The following CELF4 variants were observed in gnomAD, a reference collection of about 807,000 sequenced individuals.
CELF4 encodes the protein CUG-BP- and ETR-3-like factor 4.
In CELF4, 18 loss-of-function variants were observed where a neutral mutation model predicts 59.9. The ratio of observed to expected loss-of-function variants is 0.30; its 90% CI spans 0.21 to 0.45. The LOEUF is 0.45. CELF4 is among the 20% of genes least tolerant of loss of function. The pLI is 1.00. For synonymous variants in CELF4, 261 were observed against 267.1 expected, an observed-to-expected ratio of 0.98 and a Z score of 0.22; for missense variants, 456 against 689.0, an observed-to-expected ratio of 0.66 and a Z score of 3.79.
At chr18:37,490,557 G>T (rs115283271) in intron 1 of CELF4, among the ~76,000 whole-genome samples, 54 of 151,816 alleles carry the variant, frequency 3.6e-4, no homozygotes, top group African/African-American at 1.2e-3. Context: ...GGGTGGCTGT[G>T]GCCCTGCCTC....
intron 2 of CELF4, among the ~76,000 whole-genome samples, chr18:37,397,810 G>A (rs1052703326): frequency 1.2e-4 from 18 of 152,278 alleles, no homozygotes; most frequent in African/African-American, 1.7e-4. Context: ...GCTGGGGCTC[G>A]AACCCAAATC....
chr18:37,490,801 C>G, intron 1 of CELF4, among the ~76,000 whole-genome samples: 1 of 152,132 alleles, frequency 6.6e-6, no homozygotes, highest in East Asian at 1.9e-4. Flanking sequence ...TAGAGCCACC[C>G]AAGTGATCCA....
At chr18:37,383,298 C>T (rs567254052) in intron 2 of CELF4, among the ~76,000 whole-genome samples, 339 of 152,196 alleles carry the variant, frequency 2.2e-3, no homozygotes, top group Non-Finnish European at 3.7e-3. Flanking sequence ...AGCAGGGAGA[C>T]GTGGGTGGTG....
chr18:37,274,106 C>G (rs2092482435), intron 6 of CELF4: 1 of 1,390,290 alleles, frequency 7.2e-7, no homozygotes, highest in African/African-American at 1.5e-5. Flanking sequence ...CCCACCTCCT[C>G]CTGGCAGCCA....
chr18:37,484,684 A>G (rs1236350851), intron 2 of CELF4, among the ~76,000 whole-genome samples: 2 of 152,208 alleles, frequency 1.3e-5, no homozygotes, highest in African/African-American at 4.8e-5. Context: ...TGGGGTAGAA[A>G]TGGAAACGTG....
At chr18:37,563,571 G>GA (rs1252657295) in intron 1 of CELF4, among the ~76,000 whole-genome samples, 1 of 152,092 alleles carries the variant, frequency 6.6e-6, no homozygotes, top group East Asian at 1.9e-4. Context: ...ACTTGAGAGG[G>GA]AGGGGGGGAA....
At chr18:37,394,671 A>C (rs2099218781) in intron 2 of CELF4, among the ~76,000 whole-genome samples, 1 of 152,032 alleles carries the variant, frequency 6.6e-6, no homozygotes, top group Non-Finnish European at 1.5e-5. Context: ...CCTCCACTCC[A>C]CTGCAGACAT....
chr18:37,389,059 C>G (rs1454236916), intron 2 of CELF4, among the ~76,000 whole-genome samples: 2 of 152,132 alleles, frequency 1.3e-5, no homozygotes, highest in Non-Finnish European at 2.9e-5. Context: ...AGCCCCCACC[C>G]CAAGTTCCTG....
intron 1 of CELF4, among the ~76,000 whole-genome samples, chr18:37,516,243 G>T (rs2099950512): frequency 6.6e-6 from 1 of 152,064 alleles, no homozygotes; most frequent in Non-Finnish European, 1.5e-5. Context: ...TTGGCCCTGG[G>T]GTAGGCATGT....
chr18:37,482,574 A>G (rs1403277767), intron 2 of CELF4, among the ~76,000 whole-genome samples: 5 of 152,212 alleles, frequency 3.3e-5, no homozygotes, highest in African/African-American at 9.7e-5. Context: ...ACTGGGAATC[A>G]CGTATCACTG....
intron 12 of CELF4, among the ~76,000 whole-genome samples, chr18:37,249,937 A>T (rs1396383109): frequency 6.6e-6 from 1 of 152,140 alleles, no homozygotes; most frequent in Non-Finnish European, 1.5e-5. Flanking sequence ...ACTCTCCAAA[A>T]GCATACTCAG....
intron 2 of CELF4, among the ~76,000 whole-genome samples, chr18:37,353,006 A>G (rs370813064): frequency 6.3e-4 from 96 of 152,106 alleles, no homozygotes; most frequent in South Asian, 2.3e-3. Context: ...CAGATCAGGA[A>G]GTCAGGAGAT....
chr18:37,448,585 C>T (rs549194837), intron 2 of CELF4, among the ~76,000 whole-genome samples: 5 of 152,342 alleles, frequency 3.3e-5, no homozygotes, highest in African/African-American at 4.8e-5. Flanking sequence ...TTCCGTCTTG[C>T]GCAGGTGCTG....
chr18:37,479,544 T>C (rs911958378), intron 2 of CELF4, among the ~76,000 whole-genome samples: 2 of 152,142 alleles, frequency 1.3e-5, no homozygotes, highest in African/African-American at 4.8e-5. Flanking sequence ...AAAGGACAGA[T>C]GAGTACTTCT....
chr18:37,559,221 C>T (rs2099985800), intron 1 of CELF4, among the ~76,000 whole-genome samples: 1 of 152,134 alleles, frequency 6.6e-6, no homozygotes, highest in South Asian at 2.1e-4. Context: ...TCTCCCTGAT[C>T]CTGCATATAG....
chr18:37,467,960 T>C (rs1037464872), intron 2 of CELF4, among the ~76,000 whole-genome samples: 3 of 152,158 alleles, frequency 2.0e-5, no homozygotes, highest in Non-Finnish European at 2.9e-5. Context: ...CTATATGGCA[T>C]GTACTCTGTT....
chr18:37,528,382 TG>T (rs2099966058), intron 1 of CELF4, among the ~76,000 whole-genome samples: 1 of 152,206 alleles, frequency 6.6e-6, no homozygotes, highest in Non-Finnish European at 1.5e-5. Context: ...ATTGACTGTG[TG>T]TGGTTTGTAA....
chr18:37,306,904 A>G (rs147289872), intron 3 of CELF4, among the ~76,000 whole-genome samples: 2 of 152,308 alleles, frequency 1.3e-5, no homozygotes, highest in East Asian at 3.9e-4. Context: ...GCCGAAGCAA[A>G]TTCTGCACTT....
At chr18:37,441,285 G>A (rs2099717311) in intron 2 of CELF4, among the ~76,000 whole-genome samples, 1 of 151,700 alleles carries the variant, frequency 6.6e-6, no homozygotes, top group Non-Finnish European at 1.5e-5. Flanking sequence ...GTGTGTGTGT[G>A]TGTGTGTGTG....
Sources: gnomAD v4.1 joint callset for allele counts (sites outside exome capture counted in the v4.1 genomes callset) on GRCh38, gnomAD v4.1.1 for gene constraint, MANE v1.5 for transcripts, NCBI Gene and HGNC (gene_info 2026-07-23, HGNC 2026-07-21) for gene names.